Variants in CDH13 observed in about 807,000 individuals in gnomAD.
The protein encoded by CDH13 is cadherin-13.
CDH13 carries 24 observed loss-of-function variants against 63.8 expected under a neutral mutation model. That is an observed-to-expected ratio of 0.38 (90% CI 0.27 to 0.53). The LOEUF (loss-of-function observed/expected upper bound fraction) is 0.53, where lower values mean the gene tolerates loss of function less well. Among genes scored for constraint, CDH13 ranks in the 20% least tolerant of loss-of-function variants. The probability of loss-of-function intolerance (pLI) is 0.85; values close to 1 mark genes in which losing one functional copy is unlikely to be tolerated. For missense variants in CDH13, 1,049 were observed against 903.1 expected, an observed-to-expected ratio of 1.16 and a Z score of -2.07; for synonymous variants, 503 against 355.3, an observed-to-expected ratio of 1.42 and a Z score of -4.67.
At chr16:83,713,860 C>A (rs936738277) in intron 10 of CDH13, among the ~76,000 whole-genome samples, 13 of 152,344 alleles carry the variant, frequency 8.5e-5, no homozygotes, top group African/African-American at 2.6e-4. Context: ...TCCCTCTTGA[C>A]TGCCTTCCTC....
intron 2 of CDH13, among the ~76,000 whole-genome samples, chr16:83,021,237 C>T (rs1341563949): frequency 6.6e-6 from 1 of 152,168 alleles, no homozygotes; most frequent in African/African-American, 2.4e-5. Context: ...GCTTAGCTGC[C>T]AAGTTGCAGT....
rs576524778 is a variant in CDH13 at position 83,172,749 on chromosome 16, C to G, written c.484-44596C>G. On this transcript the variant is annotated intron_variant, in intron 4 of 13. Coordinates refer to ENST00000567109, the MANE Select transcript of CDH13 (RefSeq NM_001257.5). ...TCTACAGTACTTTGTCATAACAGCC[C>G]TAACAAACAACATAGTAGATAAAAA... is the stretch of plus-strand genomic sequence containing the variant. 3.3e-5 allele frequency among the ~76,000 whole-genome samples: 5 copies of G among 152,050 alleles called. No homozygotes were observed. In the East Asian group the frequency reaches 9.7e-4, roughly 29 times the overall value.
chr16:83,132,031 C>G (rs950327286), intron 4 of CDH13, among the ~76,000 whole-genome samples: 4 of 152,204 alleles, frequency 2.6e-5, no homozygotes, highest in Non-Finnish European at 5.9e-5. Flanking sequence ...GGTCTCACTG[C>G]ATCCAGATAC....
chr16:82,834,980 G>A (rs559241511), intron 1 of CDH13, among the ~76,000 whole-genome samples: 1 of 152,280 alleles, frequency 6.6e-6, no homozygotes, highest in South Asian at 2.1e-4. Flanking sequence ...GCTCAGGCCT[G>A]CTCTGGAGTC....
chr16:83,593,918 T>A (rs144448742), intron 7 of CDH13, among the ~76,000 whole-genome samples: 2 of 152,324 alleles, frequency 1.3e-5, no homozygotes, highest in African/African-American at 2.4e-5. Flanking sequence ...CATTATCTAT[T>A]GCTGCATGAA....
intron 5 of CDH13, among the ~76,000 whole-genome samples, chr16:83,220,167 C>G (rs1405660359): frequency 6.6e-6 from 1 of 152,178 alleles, no homozygotes; most frequent in Non-Finnish European, 1.5e-5. Context: ...CGGTCATTGT[C>G]CTGTTTTCAT....
At chr16:83,211,057 A>G (rs925245104) in intron 4 of CDH13, among the ~76,000 whole-genome samples, 2 of 150,522 alleles carry the variant, frequency 1.3e-5, no homozygotes, top group African/African-American at 4.8e-5. Context: ...CTGAGTCAGG[A>G]GAATTACTTG....
At chr16:83,561,986 G>T (rs368648234) in intron 7 of CDH13, among the ~76,000 whole-genome samples, 1 of 152,276 alleles carries the variant, frequency 6.6e-6, no homozygotes, top group African/African-American at 2.4e-5. Context: ...CGATAGTGCC[G>T]CAGAGTCAAG....
At chr16:82,982,069 T>G (rs1228104042) in intron 2 of CDH13, among the ~76,000 whole-genome samples, 1 of 152,154 alleles carries the variant, frequency 6.6e-6, no homozygotes, top group Non-Finnish European at 1.5e-5. Flanking sequence ...CAACTTCTAG[T>G]TTTAGCACTT....
chr16:83,216,005 C>A (rs886674821), intron 4 of CDH13, among the ~76,000 whole-genome samples: 3 of 150,848 alleles, frequency 2.0e-5, no homozygotes, highest in African/African-American at 7.3e-5. Flanking sequence ...TACTTTGACC[C>A]CAACTGCTTC....
At position 83,711,969 on chromosome 16, in the gene CDH13, G is replaced by C. The variant is rs144052330; in HGVS notation, c.1538+33508G>C. Among the ~76,000 whole-genome samples the C allele has an allele frequency of 2.7e-3, 412 of 152,300 alleles. 1 individual carries two copies. The highest frequency in any genetic ancestry group is 9.3e-3 in the African/African-American group (386 of 41,566). On this transcript the variant is annotated intron_variant, in intron 10 of 13. Transcript: ENST00000567109. ...CTGAGATCAAGGTGTTGGCAGAGTT[G>C]GTTCCTTCTGAGGCCTCTCTTCTTG...
intron 7 of CDH13, among the ~76,000 whole-genome samples, chr16:83,581,780 T>C (rs995339205): frequency 3.3e-5 from 5 of 152,122 alleles, no homozygotes; most frequent in African/African-American, 1.2e-4. Context: ...AATCATGCTA[T>C]TGCACTCCAG....
intron 3 of CDH13, among the ~76,000 whole-genome samples, chr16:83,084,671 C>T (rs2033467344): frequency 1.3e-5 from 2 of 152,066 alleles, no homozygotes; most frequent in Non-Finnish European, 2.9e-5. Flanking sequence ...GGTGGATCAC[C>T]TGAGGTTAGG....
In CDH13 at chr16:83,370,103, G is replaced by A. The variant is rs114182374; in HGVS notation, c.781+25097G>A. 1.1e-3 allele frequency among the ~76,000 whole-genome samples: 163 copies of A among 152,070 alleles called. 2 individuals carry two copies. Among genetic ancestry groups the A allele is most frequent in the African/African-American group, 3.7e-3 (152 of 41,474 alleles). Reference sequence around the variant, plus strand: ...TTCTTTTTATTAAAACTTTCATATCGTTGGCTAGGCGCGGTGGCTCACGCC... The same window carrying A: ...TTCTTTTTATTAAAACTTTCATATCATTGGCTAGGCGCGGTGGCTCACGCC... On this transcript the variant is annotated intron_variant, in intron 6 of 13. Coordinates refer to ENST00000567109, the MANE Select transcript of CDH13 (RefSeq NM_001257.5).
chr16:83,323,282 C>CTTGTTTTCT (rs1555530211), intron 5 of CDH13, among the ~76,000 whole-genome samples: 5 of 122,164 alleles, frequency 4.1e-5, no homozygotes, highest in South Asian at 2.7e-4. Flanking sequence ...TTCTTTTTTT[C>CTTGTTTTCT]TTTTTTTTTT....
chr16:83,576,696 T>C (rs1905108186), intron 7 of CDH13, among the ~76,000 whole-genome samples: 1 of 152,234 alleles, frequency 6.6e-6, no homozygotes, highest in Non-Finnish European at 1.5e-5. Flanking sequence ...TTTTTTATGC[T>C]AGCCATTCTA....
intron 5 of CDH13, among the ~76,000 whole-genome samples, chr16:83,334,359 TCTCACACACACACACACACACA>T (rs2090545208): frequency 1.1e-5 from 1 of 88,558 alleles, no homozygotes; most frequent in Non-Finnish European, 2.2e-5. Context: ...TCTCTCTCTC[TCTCACACACACACACACACACA>T]CACACACACA....
At chr16:82,879,127 A>AAAGCTTTGCAGGC (rs2040604726) in intron 2 of CDH13, among the ~76,000 whole-genome samples, 1 of 152,120 alleles carries the variant, frequency 6.6e-6, no homozygotes, top group African/African-American at 2.4e-5. Flanking sequence ...GGCTGGGCCC[A>AAAGCTTTGCAGGC]TGGTTGTGGA....
chr16:83,021,374 G>C (rs1328475707), intron 2 of CDH13, among the ~76,000 whole-genome samples: 3 of 152,212 alleles, frequency 2.0e-5, no homozygotes, highest in African/African-American at 7.2e-5. Context: ...GATAGATGAT[G>C]CATAGCATTC....
Sources: allele counts gnomAD v4.1 joint callset (sites outside exome capture counted in the v4.1 genomes callset), GRCh38; gene constraint gnomAD v4.1.1; transcripts MANE v1.5; gene names NCBI Gene and HGNC (gene_info 2026-07-23, HGNC 2026-07-21).